SMIM7: variants seen among roughly 807,000 people sequenced by gnomAD.
The protein encoded by SMIM7 is small integral membrane protein 7, also known as UPF0608 protein C19orf42.
Under a neutral mutation model 13.3 loss-of-function variants are expected in SMIM7, and 12 were observed. The ratio of observed to expected loss-of-function variants is 0.90; its 90% CI spans 0.58 to 1.46. The LOEUF is 1.46. SMIM7 is among the 40% of genes most tolerant of loss of function. The pLI is 0.00. For synonymous variants in SMIM7, 36 were observed against 35.8 expected (o/e 1.01, Z -0.02); for missense variants, 114 against 94.8 (o/e 1.20, Z -0.84).
rs757363553 is a variant in SMIM7 at position 16,660,134 on chromosome 19, G to C, written c.-24C>G. ...ATCGTTACGGCCGAAGCGTCCGTCA[G>C]AACCGGAAGCGGAAGCCCCAGGGAG... On this transcript the variant is annotated 5_prime_UTR_variant, in exon 1 of 5. Transcript: ENST00000487416. The C allele has an allele frequency of 5.0e-6, 8 of 1,614,034 alleles. No individual in the cohort carries two copies. The highest frequency in any genetic ancestry group is 5.9e-6 in the Non-Finnish European group (7 of 1,180,006).
chr19:16,657,482 G>A (rs976214317), intron 3 of SMIM7, among the ~76,000 whole-genome samples: 2 of 152,240 alleles, frequency 1.3e-5, no homozygotes, highest in Admixed American at 1.3e-4. Context: ...TAGACGGACA[G>A]ATGGTCTAGT....
chr19:16,647,151 G>C lies in SMIM7; in HGVS notation c.*95C>G. ...CTTGGACTTTCTGGGAAGGTTGTCG[G>C]TTTTCTGGTCAAAAACATTCTTGAA... On this transcript the variant is annotated 3_prime_UTR_variant, in exon 5 of 5. Transcript: ENST00000487416. The C allele has an allele frequency of 6.4e-7, 1 of 1,559,118 alleles. No individual in the cohort carries two copies.
intron 3 of SMIM7, chr19:16,655,490 G>A (rs890144391): frequency 4.5e-6 from 2 of 445,470 alleles, no homozygotes; most frequent in Admixed American, 4.8e-5. Flanking sequence ...AGACCAGCCT[G>A]GCCAACATGG....
chr19:16,647,676 G>A lies in SMIM7; in HGVS notation c.213-415C>T, dbSNP rs553733756. Among the ~76,000 whole-genome samples the A allele has an allele frequency of 3.3e-5, 5 of 151,902 alleles. No individual in the cohort carries two copies. The South Asian group carries it at 8.3e-4, about 25-fold the overall frequency. The stretch of plus-strand genomic sequence containing the variant: ...TCACCATGTTGGCTGGGCTGGTTTC[G>A]AACTCCTGACCTCAAGTGATCCACC... On this transcript the variant is annotated intron_variant, in intron 4 of 4. Transcript: ENST00000487416.
exon 5 of SMIM7, chr19:16,630,994 GGTCCCTTATA>G (rs1316782033): frequency 1.3e-5 from 2 of 152,150 alleles, no homozygotes; most frequent in Admixed American, 1.3e-4. Context: ...CTCAATGACA[GGTCCCTTATA>G]GTATTTAGGT....
intron 4 of SMIM7, among the ~76,000 whole-genome samples, 166 bp from the exon 5 acceptor site, chr19:16,647,427 A>G (rs1164599766): frequency 6.6e-6 from 1 of 151,918 alleles, no homozygotes; most frequent in Admixed American, 6.6e-5. Context: ...ATAATTAACA[A>G]TACTGAACTA....
At chr19:16,649,490 T>C (rs2086491769) in intron 4 of SMIM7, among the ~76,000 whole-genome samples, 1 of 152,088 alleles carries the variant, frequency 6.6e-6, no homozygotes, top group African/African-American at 2.4e-5. Flanking sequence ...GGAGAATCAC[T>C]TGAACCCGGG....
At chr19:16,635,833 C>T (rs2122489259) in intron 4 of SMIM7, among the ~76,000 whole-genome samples, 1 of 142,050 alleles carries the variant, frequency 7.0e-6, no homozygotes. Flanking sequence ...GCAATGGGCC[C>T]AGATTGTACC....
intron 4 of SMIM7, chr19:16,652,368 A>AT (rs2086538109): frequency 9.9e-6 from 2 of 202,586 alleles, no homozygotes; most frequent in African/African-American, 2.4e-5. Context: ...CACTCGGCTA[A>AT]TTTTTTTATT....
At chr19:16,639,829 G>C (rs776711364) in intron 4 of SMIM7, 11 of 152,184 alleles carry the variant, frequency 7.2e-5, no homozygotes, top group Non-Finnish European at 1.3e-4. Context: ...AGAAGGATAT[G>C]TTTGTTTCCC....
intron 4 of SMIM7, among the ~76,000 whole-genome samples, chr19:16,638,301 C>CTTTTTTT (rs375558591): frequency 1.1e-3 from 136 of 122,648 alleles, no homozygotes; most frequent in Non-Finnish European, 1.3e-3. Flanking sequence ...TTTCTTTTTT[C>CTTTTTTT]TTTTTTTTTT....
At chr19:16,655,821 G>T (rs2086590676) in intron 3 of SMIM7, among the ~76,000 whole-genome samples, 1 of 152,018 alleles carries the variant, frequency 6.6e-6, no homozygotes, top group South Asian at 2.1e-4. Context: ...CTTTTTCAGG[G>T]ATGACAACCT....
At chr19:16,647,645 G>A (rs1378390299) in intron 4 of SMIM7, among the ~76,000 whole-genome samples, 2 of 151,556 alleles carry the variant, frequency 1.3e-5, no homozygotes, top group East Asian at 3.9e-4. Flanking sequence ...TAGTAGAAAT[G>A]GGGTTTCACC....
intron 4 of SMIM7, chr19:16,653,794 C>T (rs751571722): frequency 6.2e-6 from 3 of 483,352 alleles, no homozygotes; most frequent in Non-Finnish European, 7.3e-6. Flanking sequence ...ACTCGGGAGG[C>T]TGAGGCAGGA....
downstream of SMIM7, among the ~76,000 whole-genome samples, chr19:16,642,891 A>G (rs982859927): frequency 6.8e-6 from 1 of 147,418 alleles, no homozygotes; most frequent in African/African-American, 2.5e-5. Flanking sequence ...CGGCGCGATC[A>G]TGGCTCACTG....
chr19:16,659,537 G>A, intron 2 of SMIM7, 90 bp from the exon 3 acceptor site: 2 of 1,351,512 alleles, frequency 1.5e-6, no homozygotes, highest in Non-Finnish European at 1.0e-6. Flanking sequence ...CAAACACTAA[G>A]TTTCAGCCCT....
intron 4 of SMIM7, among the ~76,000 whole-genome samples, chr19:16,635,883 C>CAAAAAAAAAAAAAAAAA (rs1207972448): frequency 7.5e-5 from 6 of 80,516 alleles, no homozygotes; most frequent in African/African-American, 3.1e-4. Context: ...GACCCTGTCT[C>CAAAAAAAAAAAAAAAAA]AAAAAAAAAA....
chr19:16,632,370 C>G (rs1231302759), intron 4 of SMIM7, among the ~76,000 whole-genome samples: 1 of 151,934 alleles, frequency 6.6e-6, no homozygotes, highest in East Asian at 1.9e-4. Flanking sequence ...ATTTTTTAAT[C>G]CCATCTTCAA....
intron 4 of SMIM7, among the ~76,000 whole-genome samples, chr19:16,650,744 G>A (rs2086514259): frequency 6.6e-6 from 1 of 151,728 alleles, no homozygotes; most frequent in Non-Finnish European, 1.5e-5. Context: ...TAGGCACACG[G>A]AATATTGAAC....
Sources: allele counts gnomAD v4.1 joint callset (sites outside exome capture counted in the v4.1 genomes callset), GRCh38; gene constraint gnomAD v4.1.1; transcripts MANE v1.5; gene names NCBI Gene and HGNC (gene_info 2026-07-23, HGNC 2026-07-21).